C2orf69: variants seen among roughly 807,000 people sequenced by gnomAD.
C2orf69 encodes the protein mitochondrial protein C2orf69.
Under a neutral mutation model 29.5 loss-of-function variants are expected in C2orf69, and 19 were observed. That is an observed-to-expected ratio of 0.65 (90% CI 0.45 to 0.95). C2orf69 has a LOEUF of 0.95. Among genes scored for constraint, C2orf69 ranks in the 40% least tolerant of loss-of-function variants. The probability of loss-of-function intolerance (pLI) is 0.00; values close to 1 mark genes in which losing one functional copy is unlikely to be tolerated. For synonymous variants in C2orf69, 194 were observed against 180.0 expected (o/e 1.08, Z -0.62); for missense variants, 416 against 482.1 (o/e 0.86, Z 1.28).
intron 1 of C2orf69, among the ~76,000 whole-genome samples, chr2:199,918,982 A>T (rs281788): frequency 0.83 from 126,207 of 152,108 alleles, 52,431 homozygotes; most frequent in South Asian, 0.91. Flanking sequence ...GACAGGGTCT[A>T]GCTCTGTCAA....
chr2:199,911,317 G>A lies in C2orf69; in HGVS notation c.-122G>A, dbSNP rs567361029. On this transcript the variant is annotated 5_prime_UTR_variant, in exon 1 of 2. Transcript: ENST00000319974. ...CCTCTGACGTCGTCGCCTCAGCGCC[G>A]GCTCCCGGCCGGGCCGCGGCCGCCG... 1.4e-5 allele frequency: 17 copies of A among 1,230,002 alleles called. No individual in the cohort carries two copies. Among genetic ancestry groups the A allele is most frequent in the Admixed American group, 7.8e-5 (2 of 25,692 alleles). 76.2% of individuals were successfully genotyped at this position (1,230,002 alleles called of 1,614,324 possible).
chr2:199,921,250 C>A (rs2077314880), intron 1 of C2orf69, among the ~76,000 whole-genome samples: 1 of 151,884 alleles, frequency 6.6e-6, no homozygotes, highest in Non-Finnish European at 1.5e-5. Context: ...TCGTGATCCG[C>A]CTGGCTCGGC....
chr2:199,927,742 A>C lies in C2orf69; in HGVS notation c.*1856A>C, dbSNP rs2105678949. 6.6e-6 allele frequency: 1 copy of C among 152,228 alleles called. No homozygotes were observed. The highest frequency in any genetic ancestry group is 1.5e-5 in the Non-Finnish European group (1 of 67,972). 9.4% of individuals were successfully genotyped at this position (152,228 alleles called of 1,614,324 possible). A position where few individuals can be genotyped will look rare whatever the true frequency, so the allele number is the denominator to read the frequency against. ...GGATGGCTTTTTTTCTATTTGTTTA[A>C]TAATCCTTGGCTAAATTCACATGTA... On this transcript the variant is annotated 3_prime_UTR_variant, in exon 2 of 2. Transcript: ENST00000319974.
intron 1 of C2orf69, among the ~76,000 whole-genome samples, chr2:199,914,077 A>G (rs1409724130): frequency 6.6e-6 from 1 of 152,220 alleles, no homozygotes; most frequent in Non-Finnish European, 1.5e-5. Context: ...ATGTGTGGAT[A>G]CTAAATGAGT....
rs199756580 is a variant in C2orf69 at position 199,927,565 on chromosome 2, CTTTT to C, written c.*1691_*1694del. On this transcript the variant is annotated 3_prime_UTR_variant, in exon 2 of 2. Coordinates refer to ENST00000319974, the MANE Select transcript of C2orf69 (RefSeq NM_153689.6). ...ACTGCAGAACAGCATCTCTAAATGG[CTTTT>C]TTTTTTTTTTTAAAGACAAAGTAGT... is the stretch of plus-strand genomic sequence containing the variant. 343 of 140,768 alleles carry C rather than the reference CTTTT, an allele frequency of 2.4e-3. 4 individuals carry two copies. Among genetic ancestry groups the C allele is most frequent in the African/African-American group, 8.6e-3 (329 of 38,416 alleles). The allele number at this position is 140,768 out of a possible 1,614,324, so 8.7% of individuals were successfully genotyped here. A position where few individuals can be genotyped will look rare whatever the true frequency, so the allele number is the denominator to read the frequency against.
intron 1 of C2orf69, among the ~76,000 whole-genome samples, chr2:199,914,321 T>C (rs1460993460): frequency 6.6e-6 from 1 of 152,214 alleles, no homozygotes; most frequent in Non-Finnish European, 1.5e-5. Context: ...ATAGATATCC[T>C]AAACCTAAAA....
At chr2:199,916,474 A>G (rs1202259581) in intron 1 of C2orf69, among the ~76,000 whole-genome samples, 1 of 152,214 alleles carries the variant, frequency 6.6e-6, no homozygotes, top group African/African-American at 2.4e-5. Flanking sequence ...AACTCATTGT[A>G]GCATTAACTC....
At chr2:199,923,264 A>G (rs1415721261) in intron 1 of C2orf69, among the ~76,000 whole-genome samples, 2 of 152,156 alleles carry the variant, frequency 1.3e-5, no homozygotes, top group Non-Finnish European at 2.9e-5. Flanking sequence ...TCTAATATAT[A>G]TATTTTTTGA....
At chr2:199,921,987 C>T (rs887447841) in intron 1 of C2orf69, among the ~76,000 whole-genome samples, 1 of 138,094 alleles carries the variant, frequency 7.2e-6, no homozygotes, top group Non-Finnish European at 1.5e-5. Context: ...ACCCCATTCC[C>T]TCCAGTTGCC....
intron 1 of C2orf69, among the ~76,000 whole-genome samples, chr2:199,923,301 T>A (rs149835077): frequency 1.3e-5 from 2 of 152,236 alleles, no homozygotes; most frequent in Non-Finnish European, 1.5e-5. Flanking sequence ...AAGTCTAATA[T>A]GTTTTGAACT....
chr2:199,919,769 A>G (rs2106636429), intron 1 of C2orf69, among the ~76,000 whole-genome samples: 1 of 152,296 alleles, frequency 6.6e-6, no homozygotes, highest in African/African-American at 2.4e-5. Flanking sequence ...CTCTAATCAT[A>G]GTTGCTTTAG....
rs1393468494 is a variant in C2orf69, at chr2:199,928,240, T to A, written c.*2354T>A. On this transcript the variant is annotated 3_prime_UTR_variant, in exon 2 of 2. Transcript: ENST00000319974. ...AAAGTTGTTACCACCACAGCATGAA[T>A]GTATAATTGTATTAAAATTGATCAT... The A allele has an allele frequency of 6.6e-6, 1 of 152,602 alleles. No individual in the cohort carries two copies. Among genetic ancestry groups the A allele is most frequent in the Non-Finnish European group, 1.5e-5 (1 of 68,018 alleles). 9.5% of individuals were successfully genotyped at this position (152,602 alleles called of 1,614,324 possible).
chr2:199,912,307 C>A (rs1231057166), intron 1 of C2orf69, among the ~76,000 whole-genome samples: 1 of 152,140 alleles, frequency 6.6e-6, no homozygotes, highest in Admixed American at 6.5e-5. Flanking sequence ...TGATGCTCAC[C>A]TCTTTTGTAC....
chr2:199,922,593 G>C (rs1016792450), intron 1 of C2orf69, among the ~76,000 whole-genome samples: 3 of 152,176 alleles, frequency 2.0e-5, no homozygotes, highest in African/African-American at 4.8e-5. Flanking sequence ...TCAAAAGGAA[G>C]GTGTATTTAA....
intron 1 of C2orf69, among the ~76,000 whole-genome samples, chr2:199,917,210 T>C (rs975456425): frequency 6.6e-6 from 1 of 152,220 alleles, no homozygotes; most frequent in Non-Finnish European, 1.5e-5. Context: ...AGCGAGGGCC[T>C]GGGCCCAGCC....
chr2:199,920,682 C>T (rs570820617), intron 1 of C2orf69, among the ~76,000 whole-genome samples: 24 of 151,880 alleles, frequency 1.6e-4, no homozygotes, highest in South Asian at 1.2e-3. Flanking sequence ...ATGGGCCAGG[C>T]GCGGTGGCTC....
At position 199,925,439 on chromosome 2, in the gene C2orf69, C is replaced by T. The variant is rs1397515587; in HGVS notation, c.711C>T (p.Thr237=). Residue 237 remains threonine (T), a synonymous_variant, in exon 2 of 2, where the codon ACC becomes ACT. Transcript: ENST00000319974. This position sits in a 1 kb window ranked among gnomAD's most constrained non-coding sequence, Gnocchi z 4.9. The part of the protein sequence containing the change: ...TNGCQGEKVR[T]CEKSDESAMS... ...GTTGCCAGGGAGAAAAAGTGAGGAC[C>T]TGTGAAAAATCTGATGAGTCTGCCA... 2 of 1,613,762 alleles carry T rather than the reference C, an allele frequency of 1.2e-6. No homozygotes were observed. The highest frequency in any genetic ancestry group is 3.3e-5 in the Admixed American group (2 of 60,004).
Position 199,911,319 on chromosome 2 carries a change from C to T in C2orf69, c.-120C>T, listed in dbSNP as rs2077254909. 4.8e-6 allele frequency: 6 copies of T among 1,251,504 alleles called. No homozygotes were observed. The highest frequency in any genetic ancestry group is 1.9e-5 in the South Asian group (1 of 53,006). 77.5% of individuals were successfully genotyped at this position (1,251,504 alleles called of 1,614,324 possible). ...TCTGACGTCGTCGCCTCAGCGCCGG[C>T]TCCCGGCCGGGCCGCGGCCGCCGAC... On this transcript the variant is annotated 5_prime_UTR_variant, in exon 1 of 2. Transcript: ENST00000319974.
intron 1 of C2orf69, among the ~76,000 whole-genome samples, chr2:199,912,172 T>C (rs2077266426): frequency 6.6e-6 from 1 of 152,200 alleles, no homozygotes; most frequent in East Asian, 1.9e-4. Flanking sequence ...ACGTAGTGTT[T>C]AGAAAACGGT....
Sources: gnomAD v4.1 joint callset for allele counts (sites outside exome capture counted in the v4.1 genomes callset) on GRCh38, gnomAD v4.1.1 for gene constraint, Gnocchi (gnomAD v3.1) non-coding constraint, MANE v1.5 for transcripts, NCBI Gene and HGNC (gene_info 2026-07-23, HGNC 2026-07-21) for gene names.